Variants in RYR3 observed in about 807,000 individuals in gnomAD.
RYR3 encodes ryanodine receptor 3.
RYR3 carries 207 observed loss-of-function variants against 584.3 expected under a neutral mutation model. The ratio of observed to expected loss-of-function variants is 0.35; its 90% CI spans 0.32 to 0.40. The LOEUF is 0.40. Among genes scored for constraint, RYR3 ranks in the 10% least tolerant of loss-of-function variants. The pLI is 1.00. For synonymous variants in RYR3, 2,416 were observed against 2,248.5 expected (o/e 1.07, Z -2.11); for missense variants, 5,616 against 6,089.2 (o/e 0.92, Z 2.59).
intron 67 of RYR3, among the ~76,000 whole-genome samples, chr15:33,793,846 ATAACC>A (rs920839341): frequency 2.0e-5 from 3 of 149,994 alleles, no homozygotes; most frequent in African/African-American, 7.3e-5. Flanking sequence ...ACTATTTAAA[ATAACC>A]TAATTAAGAT....
In RYR3 at chr15:33,697,753, CTTA is replaced by C. The variant is rs1361791624; in HGVS notation, c.6135-124_6135-122del. 1.1e-5 allele frequency: 7 copies of C among 622,224 alleles called. No individual in the cohort carries two copies. In the East Asian group the frequency reaches 1.9e-4, roughly 17 times the overall value. The allele number at this position is 622,224 out of a possible 1,614,324, so 38.5% of individuals were successfully genotyped here. The stretch of plus-strand genomic sequence containing the variant: ...TATATTCCAGCTGAACTAGTGCTTT[CTTA>C]TTATCTTTTCAGCCTGTTACTTTCA... On this transcript the variant is annotated intron_variant, in intron 39 of 103. Transcript: ENST00000634891.
At chr15:33,471,788 A>G (rs1463290085) in intron 1 of RYR3, among the ~76,000 whole-genome samples, 2 of 152,124 alleles carry the variant, frequency 1.3e-5, no homozygotes, top group East Asian at 3.9e-4. Context: ...AGTTTTGAGT[A>G]CTACCTCTTG....
chr15:33,410,995 A>G (rs1567184548), intron 1 of RYR3, among the ~76,000 whole-genome samples: 2 of 152,186 alleles, frequency 1.3e-5, no homozygotes, highest in Non-Finnish European at 2.9e-5. Context: ...TGAGAACAGT[A>G]TGGGGGAAAC....
intron 32 of RYR3, among the ~76,000 whole-genome samples, chr15:33,658,656 C>A (rs887872754): frequency 6.6e-6 from 1 of 152,212 alleles, no homozygotes; most frequent in Non-Finnish European, 1.5e-5. Context: ...GAATTAAAGT[C>A]CCAGTGTGTG....
intron 82 of RYR3, 101 bp from the exon 83 acceptor site, chr15:33,826,151 A>T: frequency 8.9e-7 from 1 of 1,122,464 alleles, no homozygotes; most frequent in Non-Finnish European, 1.4e-6. Flanking sequence ...GCTATCATCT[A>T]GGATGGATGT....
chr15:33,425,852 C>T (rs1025921520), intron 1 of RYR3, among the ~76,000 whole-genome samples: 11 of 152,000 alleles, frequency 7.2e-5, no homozygotes, highest in African/African-American at 2.4e-4. Flanking sequence ...CCGTGTTAGC[C>T]AGGATGGTCT....
At chr15:33,542,730 T>G (rs2055924561) in intron 7 of RYR3, among the ~76,000 whole-genome samples, 1 of 152,160 alleles carries the variant, frequency 6.6e-6, no homozygotes, top group African/African-American at 2.4e-5. Context: ...ATGTGATTTT[T>G]TTTCCTTTAA....
At chr15:33,399,466 C>G (rs1214488339) in intron 1 of RYR3, among the ~76,000 whole-genome samples, 2 of 152,080 alleles carry the variant, frequency 1.3e-5, no homozygotes, top group Non-Finnish European at 2.9e-5. Context: ...TGGTGAAAAC[C>G]TGTCTCTATT....
chr15:33,491,956 A>G (rs949619341), intron 2 of RYR3, among the ~76,000 whole-genome samples: 2 of 152,212 alleles, frequency 1.3e-5, no homozygotes, highest in Non-Finnish European at 2.9e-5. Context: ...CCACAGTTCA[A>G]TGAACACTTT....
intron 41 of RYR3, among the ~76,000 whole-genome samples, chr15:33,700,592 A>G (rs1372934948): frequency 1.3e-5 from 2 of 152,104 alleles, no homozygotes; most frequent in Non-Finnish European, 2.9e-5. Context: ...TATATGAGCT[A>G]ATGCTGTTTG....
intron 1 of RYR3, among the ~76,000 whole-genome samples, chr15:33,444,606 A>G (rs1021256115): frequency 6.6e-5 from 10 of 152,132 alleles, no homozygotes; most frequent in African/African-American, 2.2e-4. Flanking sequence ...GTGCTCTGCT[A>G]TATATTAGCA....
intron 43 of RYR3, among the ~76,000 whole-genome samples, chr15:33,711,290 C>T (rs939595812): frequency 8.4e-5 from 10 of 119,062 alleles, no homozygotes; most frequent in African/African-American, 3.3e-4. Flanking sequence ...GTCGCCCAGG[C>T]TGGAGTGCAG....
At chr15:33,387,472 T>A (rs561193533) in intron 1 of RYR3, among the ~76,000 whole-genome samples, 2 of 152,314 alleles carry the variant, frequency 1.3e-5, no homozygotes, top group African/African-American at 2.4e-5. Flanking sequence ...TTCCAATTTC[T>A]GCACATCCTC....
chr15:33,377,442 T>G (rs1425601138), intron 1 of RYR3, among the ~76,000 whole-genome samples: 2 of 152,222 alleles, frequency 1.3e-5, no homozygotes, highest in Non-Finnish European at 2.9e-5. Context: ...CACTCATATC[T>G]AACCGTCCAG....
intron 1 of RYR3, among the ~76,000 whole-genome samples, chr15:33,425,698 T>C (rs1034269622): frequency 3.5e-5 from 5 of 142,692 alleles, no homozygotes; most frequent in East Asian, 2.2e-4. Context: ...CTGGAGTGAA[T>C]TGCCGTGATC....
At chr15:33,795,635 C>A (rs2075566568) in intron 67 of RYR3, among the ~76,000 whole-genome samples, 1 of 152,000 alleles carries the variant, frequency 6.6e-6, no homozygotes, top group Non-Finnish European at 1.5e-5. Flanking sequence ...CTCAGCTGAT[C>A]CACCCACCTT....
intron 27 of RYR3, among the ~76,000 whole-genome samples, chr15:33,639,417 AG>A (rs2061674896): frequency 6.6e-6 from 1 of 152,228 alleles, no homozygotes; most frequent in Admixed American, 6.5e-5. Flanking sequence ...CTTTGATAAC[AG>A]TAGCCCCAAG....
intron 5 of RYR3, among the ~76,000 whole-genome samples, chr15:33,538,880 G>A (rs1003288368): frequency 1.3e-5 from 2 of 151,802 alleles, no homozygotes; most frequent in Non-Finnish European, 2.9e-5. Flanking sequence ...CTCACTTATT[G>A]TCTGAGTCCT....
intron 1 of RYR3, among the ~76,000 whole-genome samples, chr15:33,453,509 TATAAA>T (rs2047304736): frequency 6.6e-6 from 1 of 152,258 alleles, no homozygotes; most frequent in East Asian, 1.9e-4. Context: ...AAAGCAGAAA[TATAAA>T]ATAAGACCTA....
Sources: allele counts gnomAD v4.1 joint callset (sites outside exome capture counted in the v4.1 genomes callset), GRCh38; gene constraint gnomAD v4.1.1; transcripts MANE v1.5; gene names NCBI Gene and HGNC (gene_info 2026-07-23, HGNC 2026-07-21).